RPS6KA6: variants seen among roughly 807,000 people sequenced by gnomAD.
RPS6KA6 encodes the protein ribosomal protein S6 kinase A6.
A neutral mutation model predicts 65.4 loss-of-function variants in RPS6KA6; 27 were observed. The observed-to-expected ratio is 0.41, with a 90% CI of 0.30 to 0.57. RPS6KA6 has a LOEUF of 0.57. Among genes scored for constraint, RPS6KA6 ranks in the 20% least tolerant of loss-of-function variants. The probability of loss-of-function intolerance (pLI) is 0.24; values close to 1 mark genes in which losing one functional copy is unlikely to be tolerated. For missense variants in RPS6KA6, 486 were observed against 555.6 expected (o/e 0.87, Z 1.26); for synonymous variants, 190 against 184.2 (o/e 1.03, Z -0.26).
rs901999201 is a variant in RPS6KA6 at position 84,063,145 on chromosome X, C to T, written c.*1132G>A. ...AAATGTGCTCAAATTTTTTGTAGAC[C>T]ATTAATATTATTCATATTTAAAATG... On this transcript the variant is annotated 3_prime_UTR_variant, in exon 22 of 22. Coordinates refer to ENST00000262752, the MANE Select transcript of RPS6KA6 (RefSeq NM_014496.5). The T allele has an allele frequency of 2.7e-5, 3 of 110,858 alleles. No individual in the cohort carries two copies. Among genetic ancestry groups the T allele is most frequent in the African/African-American group, 9.8e-5 (3 of 30,601 alleles). 9.1% of individuals were successfully genotyped at this position (110,858 alleles called of 1,213,427 possible).
At chrX:84,106,514 T>A (rs1203092795) in intron 14 of RPS6KA6, 27 bp from the exon 15 acceptor site, 1 of 973,821 alleles carries the variant, frequency 1.0e-6, no homozygotes, top group Admixed American at 2.9e-5. Context: ...AGTAAAATAC[T>A]AAGGAGAATG....
At chrX:84,164,482 T>G (rs747245585) in intron 1 of RPS6KA6, 95 bp from the exon 2 acceptor site, 51 of 563,545 alleles carry the variant, frequency 9.0e-5, no homozygotes, top group Non-Finnish European at 1.5e-4. Flanking sequence ...TTCCACAATC[T>G]AACAAGATCC....
At chrX:84,068,971 G>A (rs1360942585) in intron 20 of RPS6KA6, among the ~76,000 whole-genome samples, 1 of 111,965 alleles carries the variant, frequency 8.9e-6, no homozygotes, top group Admixed American at 9.5e-5. Context: ...TCAATATCGT[G>A]AAAATGGCCA....
chrX:84,132,125 C>G (rs2034908015), intron 8 of RPS6KA6, among the ~76,000 whole-genome samples: 1 of 111,579 alleles, frequency 9.0e-6, no homozygotes, highest in African/African-American at 3.3e-5. Flanking sequence ...TTATGTCTCT[C>G]AGAAAACACA....
At chrX:84,101,153 G>A (rs758606610) in intron 18 of RPS6KA6, among the ~76,000 whole-genome samples, 22 of 111,079 alleles carry the variant, frequency 2.0e-4, no homozygotes, top group African/African-American at 7.1e-4. Flanking sequence ...CAAATCTGAA[G>A]AGTTTTAGGT....
intron 20 of RPS6KA6, among the ~76,000 whole-genome samples, chrX:84,076,438 T>G (rs1294571791): frequency 2.7e-5 from 3 of 111,799 alleles, no homozygotes; most frequent in Admixed American, 9.5e-5. Flanking sequence ...TTTAGCTATA[T>G]ATAGTCTATT....
chrX:84,132,059 A>G (rs1433211449), intron 8 of RPS6KA6, among the ~76,000 whole-genome samples: 2 of 112,139 alleles, frequency 1.8e-5, no homozygotes, highest in Non-Finnish European at 3.8e-5. Context: ...TGTGTGATTT[A>G]CATCTCTGAC....
chrX:84,101,078 G>C (rs2034251137), intron 18 of RPS6KA6, among the ~76,000 whole-genome samples: 1 of 110,661 alleles, frequency 9.0e-6, no homozygotes, highest in Non-Finnish European at 1.9e-5. Context: ...AAAATATATA[G>C]AAGATAGGAA....
intron 6 of RPS6KA6, among the ~76,000 whole-genome samples, chrX:84,141,658 A>C (rs779983054): frequency 7.2e-5 from 8 of 111,514 alleles, no homozygotes; most frequent in Non-Finnish European, 1.1e-4. Flanking sequence ...ACATAGGCTG[A>C]AGTTAAAATA....
intron 3 of RPS6KA6, 37 bp downstream of exon 3, chrX:84,156,038 A>G (rs201985799): frequency 7.2e-5 from 58 of 806,998 alleles, no homozygotes; most frequent in Admixed American, 4.2e-4. Flanking sequence ...CTAAATGTTT[A>G]GAAGAGGAAC....
intron 12 of RPS6KA6, among the ~76,000 whole-genome samples, chrX:84,112,755 G>A (rs984855889): frequency 2.7e-5 from 3 of 111,643 alleles, no homozygotes; most frequent in African/African-American, 9.8e-5. Flanking sequence ...CAAACTACAC[G>A]AAAGTAGAAT....
intron 3 of RPS6KA6, among the ~76,000 whole-genome samples, chrX:84,149,307 T>G (rs1204538080): frequency 3.6e-5 from 4 of 111,900 alleles, no homozygotes; most frequent in African/African-American, 1.3e-4. Context: ...TCCAAACTCC[T>G]GTTAATGTTG....
intron 1 of RPS6KA6, among the ~76,000 whole-genome samples, chrX:84,168,554 G>A (rs1313673261): frequency 9.0e-6 from 1 of 111,445 alleles, no homozygotes; most frequent in East Asian, 2.8e-4. Context: ...AGAAAGAAGA[G>A]CATTCGGAAA....
chrX:84,185,280 T>C (rs192976566), intron 1 of RPS6KA6, among the ~76,000 whole-genome samples: 1 of 111,397 alleles, frequency 9.0e-6, no homozygotes, highest in African/African-American at 3.3e-5. Context: ...AAGAACTCTC[T>C]TCCCAGAAAC....
intron 17 of RPS6KA6, among the ~76,000 whole-genome samples, chrX:84,103,449 A>C (rs1314675150): frequency 9.0e-6 from 1 of 111,426 alleles, no homozygotes; most frequent in Non-Finnish European, 1.9e-5. Context: ...ATTTCATGTA[A>C]GTTATCCTTA....
At chrX:84,081,226 C>G (rs760117796) in intron 20 of RPS6KA6, among the ~76,000 whole-genome samples, 1 of 110,673 alleles carries the variant, frequency 9.0e-6, no homozygotes. Context: ...GCTAGCCACA[C>G]TATTAAAGAG....
intron 7 of RPS6KA6, 37 bp from the exon 8 acceptor site, chrX:84,134,856 A>C: frequency 1.0e-6 from 1 of 987,125 alleles, no homozygotes; most frequent in Non-Finnish European, 1.4e-6. Context: ...AGATGGAATA[A>C]AATATTTTAC....
intron 6 of RPS6KA6, among the ~76,000 whole-genome samples, chrX:84,141,947 T>C (rs1048182442): frequency 9.0e-6 from 1 of 111,441 alleles, no homozygotes; most frequent in Non-Finnish European, 1.9e-5. Flanking sequence ...TCAATCCTTG[T>C]CTCAAAAATT....
intron 1 of RPS6KA6, among the ~76,000 whole-genome samples, chrX:84,177,653 T>C: frequency 8.9e-6 from 1 of 112,174 alleles, no homozygotes; most frequent in Non-Finnish European, 1.9e-5. Context: ...ATATTTCCTC[T>C]TTCACATAGG....
Sources: allele counts gnomAD v4.1 joint callset (sites outside exome capture counted in the v4.1 genomes callset), GRCh38; gene constraint gnomAD v4.1.1; transcripts MANE v1.5; gene names NCBI Gene and HGNC (gene_info 2026-07-23, HGNC 2026-07-21).